Variants in OPHN1 observed in about 807,000 individuals in gnomAD.
OPHN1 encodes the protein oligophrenin 1.
In OPHN1, 11 loss-of-function variants were observed where a neutral mutation model predicts 60.7. That is an observed-to-expected ratio of 0.18 (90% CI 0.11 to 0.30). The LOEUF (loss-of-function observed/expected upper bound fraction) is 0.30. OPHN1 is among the 10% of genes least tolerant of loss of function. The probability of loss-of-function intolerance (pLI) is 1.00; values close to 1 mark genes in which losing one functional copy is unlikely to be tolerated. For synonymous variants in OPHN1, 226 were observed against 222.6 expected (o/e 1.02, Z -0.14); for missense variants, 449 against 611.0 (o/e 0.73, Z 2.80).
chrX:68,337,168 A>C (rs1157553231), intron 2 of OPHN1, among the ~76,000 whole-genome samples: 1 of 111,414 alleles, frequency 9.0e-6, no homozygotes, highest in Non-Finnish European at 1.9e-5. Flanking sequence ...AAATGCTATA[A>C]AGGTACACTT....
At chrX:68,399,924 C>T (rs1316044579) in intron 2 of OPHN1, among the ~76,000 whole-genome samples, 2 of 108,960 alleles carry the variant, frequency 1.8e-5, no homozygotes, top group African/African-American at 6.7e-5. Context: ...CTCCCGGGTC[C>T]AAGCAATTCT....
chrX:68,070,590 G>A (rs879000106), intron 20 of OPHN1: 4 of 655,572 alleles, frequency 6.1e-6, no homozygotes, highest in African/African-American at 4.3e-5. Flanking sequence ...GGCACCACCC[G>A]TAGTGCTCAC....
intron 15 of OPHN1, among the ~76,000 whole-genome samples, chrX:68,192,072 C>T (rs1188098758): frequency 9.1e-6 from 1 of 109,683 alleles, no homozygotes; most frequent in Non-Finnish European, 1.9e-5. Context: ...AAAAAAAAAT[C>T]AATCAATAGA....
At chrX:68,148,054 G>T (rs2147485534) in intron 15 of OPHN1, among the ~76,000 whole-genome samples, 1 of 111,283 alleles carries the variant, frequency 9.0e-6, no homozygotes, top group African/African-American at 3.3e-5. Flanking sequence ...TGGCTTGAAT[G>T]AGGAAGTGGG....
intron 15 of OPHN1, among the ~76,000 whole-genome samples, chrX:68,185,050 G>C (rs1177146099): frequency 1.8e-5 from 2 of 112,529 alleles, no homozygotes; most frequent in African/African-American, 3.2e-5. Flanking sequence ...TTTAAATGAA[G>C]AATCACCTCT....
intron 15 of OPHN1, among the ~76,000 whole-genome samples, chrX:68,143,835 G>A (rs772609576): frequency 5.4e-5 from 6 of 111,421 alleles, no homozygotes; most frequent in South Asian, 3.8e-4. Flanking sequence ...GCCTTTTCCC[G>A]TTGCTAATTT....
intron 15 of OPHN1, among the ~76,000 whole-genome samples, chrX:68,136,179 ATGTGTG>A (rs1207071748): frequency 4.6e-5 from 5 of 109,691 alleles, no homozygotes; most frequent in Admixed American, 9.7e-5. Context: ...TATTAAATAT[ATGTGTG>A]TGTGTGTGTA....
At chrX:68,317,565 AAG>A (rs2078213388) in intron 2 of OPHN1, among the ~76,000 whole-genome samples, 3 of 93,243 alleles carry the variant, frequency 3.2e-5, no homozygotes, top group Admixed American at 1.1e-4. Flanking sequence ...GAAAGAAAGA[AAG>A]AAAGAAAGAG....
chrX:68,150,137 G>A (rs1470571045), intron 15 of OPHN1, among the ~76,000 whole-genome samples: 1 of 111,343 alleles, frequency 9.0e-6, no homozygotes, highest in East Asian at 2.8e-4. Flanking sequence ...GAAATAAGAC[G>A]GGTGGTTACC....
chrX:68,365,753 G>A (rs2078494975), intron 2 of OPHN1, among the ~76,000 whole-genome samples: 1 of 110,443 alleles, frequency 9.1e-6, no homozygotes, highest in East Asian at 2.8e-4. Context: ...CATGTGCCAG[G>A]CAGTATTCTT....
At chrX:68,391,594 C>A (rs1044802861) in intron 2 of OPHN1, among the ~76,000 whole-genome samples, 1 of 111,274 alleles carries the variant, frequency 9.0e-6, no homozygotes, top group Non-Finnish European at 1.9e-5. Flanking sequence ...CACCCTCATC[C>A]CCAGAACCTA....
chrX:68,301,720 C>T (rs1424149170), intron 2 of OPHN1, among the ~76,000 whole-genome samples: 4 of 111,898 alleles, frequency 3.6e-5, no homozygotes. Flanking sequence ...TCTTCCCCAT[C>T]CCCGTCCATT....
chrX:68,159,271 C>T (rs1024957032), intron 15 of OPHN1, among the ~76,000 whole-genome samples: 1 of 111,596 alleles, frequency 9.0e-6, no homozygotes, highest in South Asian at 3.8e-4. Context: ...AATCATAGGC[C>T]AGCCAGTTTA....
chrX:68,258,170 A>G (rs901783926), intron 5 of OPHN1, among the ~76,000 whole-genome samples: 3 of 110,706 alleles, frequency 2.7e-5, no homozygotes, highest in Admixed American at 1.9e-4. Flanking sequence ...GTCATGGTCC[A>G]TTCTATGTCA....
chrX:68,243,856 T>C (rs980955306), intron 5 of OPHN1, among the ~76,000 whole-genome samples: 11 of 112,371 alleles, frequency 9.8e-5, no homozygotes, highest in African/African-American at 3.6e-4. Flanking sequence ...TAACATCATA[T>C]TTTACTGGGT....
At chrX:68,244,258 T>G (rs2077795168) in intron 5 of OPHN1, among the ~76,000 whole-genome samples, 1 of 112,390 alleles carries the variant, frequency 8.9e-6, no homozygotes, top group African/African-American at 3.2e-5. Flanking sequence ...AGTGTCACAT[T>G]TTCAGAGGCT....
At chrX:68,127,888 A>G (rs2077178185) in intron 15 of OPHN1, among the ~76,000 whole-genome samples, 1 of 111,694 alleles carries the variant, frequency 9.0e-6, no homozygotes, top group African/African-American at 3.3e-5. Context: ...AAAACTCTTC[A>G]CCGAGTTTAA....
At chrX:68,257,635 C>T (rs902992189) in intron 5 of OPHN1, among the ~76,000 whole-genome samples, 1 of 112,071 alleles carries the variant, frequency 8.9e-6, no homozygotes, top group African/African-American at 3.2e-5. Flanking sequence ...ATTAGACCTA[C>T]ACAGCTACCA....
chrX:68,048,905 T>A, intron 23 of OPHN1, among the ~76,000 whole-genome samples: 2 of 111,982 alleles, frequency 1.8e-5, no homozygotes, highest in South Asian at 7.5e-4. Flanking sequence ...GGGGACAGCT[T>A]GGGGAGGAGA....
Sources: gnomAD v4.1 joint callset for allele counts (sites outside exome capture counted in the v4.1 genomes callset) on GRCh38, gnomAD v4.1.1 for gene constraint, MANE v1.5 for transcripts, NCBI Gene and HGNC (gene_info 2026-07-23, HGNC 2026-07-21) for gene names.